The following TRNT1 variants were observed in gnomAD, a reference collection of about 807,000 sequenced individuals.
The protein encoded by TRNT1 is CCA tRNA nucleotidyltransferase 1, mitochondrial.
Under a neutral mutation model 45.6 loss-of-function variants are expected in TRNT1, and 44 were observed. The observed-to-expected ratio is 0.97, with a 90% CI of 0.76 to 1.24. The LOEUF (loss-of-function observed/expected upper bound fraction) is 1.24, where lower values mean the gene tolerates loss of function less well. Ranked by LOEUF, TRNT1 falls within the 50% of genes most tolerant of loss-of-function variation. The probability of loss-of-function intolerance (pLI) is 0.00; values close to 1 mark genes in which losing one functional copy is unlikely to be tolerated. For synonymous variants in TRNT1, 201 were observed against 171.4 expected, an observed-to-expected ratio of 1.17 and a Z score of -1.35; for missense variants, 633 against 504.4, an observed-to-expected ratio of 1.25 and a Z score of -2.44.
At chr3:3,130,189 A>G in intron 2 of TRNT1, 3 of 541,108 alleles carry the variant, frequency 5.5e-6, no homozygotes, top group East Asian at 3.2e-5. Context: ...AATATGACCT[A>G]TACAGCACTG....
chr3:3,141,202 G>A (rs1348947004), intron 4 of TRNT1, among the ~76,000 whole-genome samples: 3 of 152,216 alleles, frequency 2.0e-5, no homozygotes, highest in Non-Finnish European at 2.9e-5. Context: ...GTTTAAGAGA[G>A]TTAATTGTAA....
chr3:3,144,756 TAG>T, intron 5 of TRNT1, 46 bp downstream of exon 5: 1 of 1,458,286 alleles, frequency 6.9e-7, no homozygotes, highest in Non-Finnish European at 9.2e-7. Flanking sequence ...ATATCATGAC[TAG>T]AGCATAACAG....
chr3:3,148,433 T>TA lies in TRNT1; in HGVS notation c.*287dup, dbSNP rs369264199. Reference sequence around the variant, plus strand: ...ATCTATCTTAACCTGTTCAGGCTTTTAAAAAAAACTGTTTTTGCATAGGGT... The same window carrying TA: ...ATCTATCTTAACCTGTTCAGGCTTTTAAAAAAAAACTGTTTTTGCATAGGGT... On this transcript the variant is annotated 3_prime_UTR_variant, in exon 8 of 8. Transcript: ENST00000251607. 1.1e-4 allele frequency: 27 copies of TA among 245,632 alleles called. No homozygotes were observed. Among genetic ancestry groups the TA allele is most frequent in the South Asian group, 5.3e-4 (6 of 11,362 alleles). The allele number at this position is 245,632 out of a possible 1,614,324, so 15.2% of individuals were successfully genotyped here.
At chr3:3,150,751 TTACTTAGGTATTAATGTTA>T, downstream of TRNT1, 1 of 1,016,780 alleles carries the variant, frequency 9.8e-7, no homozygotes, top group South Asian at 1.5e-5. Flanking sequence ...AATGTTATGT[TTACTTAGGTATTAATGTTA>T]TGTTTACTTA....
intron 2 of TRNT1, among the ~76,000 whole-genome samples, chr3:3,134,014 ATAAT>A (rs1320176011): frequency 6.6e-6 from 1 of 152,214 alleles, no homozygotes; most frequent in Non-Finnish European, 1.5e-5. Flanking sequence ...ATTGCTAATA[ATAAT>A]TAACAATTGC....
intron 5 of TRNT1, 44 bp from the exon 6 acceptor site, chr3:3,146,386 A>G (rs764429762): frequency 1.5e-5 from 22 of 1,472,764 alleles, no homozygotes; most frequent in South Asian, 1.0e-4. Context: ...TGCTTGTGAT[A>G]TGCCAATATA....
intron 5 of TRNT1, 197 bp downstream of exon 5, chr3:3,144,907 C>T (rs765868154): frequency 3.3e-5 from 11 of 333,894 alleles, no homozygotes; most frequent in Middle Eastern, 8.5e-4. Context: ...ATTCCCAGAA[C>T]GCACATATAC....
chr3:3,129,975 G>T, intron 2 of TRNT1: 1 of 1,550,442 alleles, frequency 6.4e-7, no homozygotes, highest in Non-Finnish European at 8.7e-7. Context: ...TGCCTCCATT[G>T]TGCACGTTGC....
At chr3:3,136,576 C>G (rs528860564) in intron 2 of TRNT1, 32 of 411,360 alleles carry the variant, frequency 7.8e-5, no homozygotes, top group Admixed American at 2.4e-4. Flanking sequence ...CAGAGAAATA[C>G]AAGAACATGT....
At position 3,140,519 on chromosome 3, in the gene TRNT1, G is replaced by T. The variant is rs779101530; in HGVS notation, c.352G>T (p.Glu118Ter). ...HGTITARLHE[E>*]NFEITTLRID... ...ATGTATTTAATTGCAGCTTCATGAAGAAAATTTTGAGATTACTACACTACG... is the reference window on the plus strand; with the variant it reads ...ATGTATTTAATTGCAGCTTCATGAATAAAATTTTGAGATTACTACACTACG... The change falls in exon 4 of 8, where the codon GAA (glutamate) becomes TAA (stop). Residue 118 changes from glutamate (E) to a stop codon, truncating the protein, a stop_gained. Transcript: ENST00000251607. LOFTEE classifies it high-confidence loss of function. The T allele has an allele frequency of 6.2e-7, 1 of 1,611,890 alleles. No individual in the cohort carries two copies. Among genetic ancestry groups the T allele is most frequent in the Admixed American group, 1.7e-5 (1 of 59,626 alleles).
intron 2 of TRNT1, chr3:3,130,592 A>G (rs145463383): frequency 1.3e-5 from 2 of 152,592 alleles, no homozygotes; most frequent in East Asian, 3.9e-4. Flanking sequence ...TTGCTGTCCA[A>G]TAGAAATTTA....
At chr3:3,130,238 A>T in intron 2 of TRNT1, 1 of 395,992 alleles carries the variant, frequency 2.5e-6, no homozygotes, top group Non-Finnish European at 4.6e-6. Context: ...TTTAAAGCAC[A>T]CATGCTCGGG....
At chr3:3,153,428 A>G (rs1706726018), downstream of TRNT1, 3 of 1,508,362 alleles carry the variant, frequency 2.0e-6, no homozygotes, top group Non-Finnish European at 2.8e-6. Context: ...CCTTACCTGA[A>G]TATTTCATTT....
chr3:3,147,439 T>G lies in TRNT1; in HGVS notation c.803-11T>G. 1 of 1,610,370 alleles carries G rather than the reference T, an allele frequency of 6.2e-7. No homozygotes were observed. The highest frequency in any genetic ancestry group is 8.5e-7 in the Non-Finnish European group (1 of 1,177,962). On this transcript the variant is annotated splice_polypyrimidine_tract_variant and intron_variant, in intron 6 of 7. Coordinates refer to ENST00000251607, the MANE Select transcript of TRNT1 (RefSeq NM_182916.3). ...ACTAAAAACAGGTGAAAAATGCTTT[T>G]GTCCCTACAGGTTTACCTGCTAATG...
chr3:3,150,481 A>G (rs138718854), downstream of TRNT1: 4 of 214,056 alleles, frequency 1.9e-5, no homozygotes, highest in African/African-American at 4.7e-5. Flanking sequence ...ATCAGGATCA[A>G]ATTATTAGTT....
chr3:3,134,842 A>G (rs1259951845), intron 2 of TRNT1, among the ~76,000 whole-genome samples: 2 of 152,236 alleles, frequency 1.3e-5, no homozygotes, highest in Middle Eastern at 6.8e-3. Context: ...TAATTTTAAT[A>G]TAATTGGTAT....
At chr3:3,140,229 T>C (rs1458209614) in intron 3 of TRNT1, among the ~76,000 whole-genome samples, 2 of 152,218 alleles carry the variant, frequency 1.3e-5, no homozygotes, top group African/African-American at 4.8e-5. Context: ...ATGTGGAGTT[T>C]CTCCACATCA....
At chr3:3,134,407 T>C (rs530861519) in intron 2 of TRNT1, among the ~76,000 whole-genome samples, 1 of 152,336 alleles carries the variant, frequency 6.6e-6, no homozygotes, top group African/African-American at 2.4e-5. Context: ...GCAAGGTTTT[T>C]GGAATGGTTT....
downstream of TRNT1, among the ~76,000 whole-genome samples, chr3:3,151,978 A>AT (rs780760252): frequency 1.7e-3 from 266 of 152,264 alleles, 1 homozygote; most frequent in Non-Finnish European, 3.1e-3. Flanking sequence ...AAGACAGCTG[A>AT]TTTTCAGAAT....
Sources: allele counts gnomAD v4.1 joint callset (sites outside exome capture counted in the v4.1 genomes callset), GRCh38; gene constraint gnomAD v4.1.1; transcripts MANE v1.5; gene names NCBI Gene and HGNC (gene_info 2026-07-23, HGNC 2026-07-21).